The following ZWILCH variants were observed in gnomAD, a reference collection of about 807,000 sequenced individuals.
ZWILCH encodes the protein protein zwilch homolog.
ZWILCH carries 74 observed loss-of-function variants against 79.9 expected under a neutral mutation model. The observed-to-expected ratio is 0.93, with a 90% CI of 0.77 to 1.12. ZWILCH has a LOEUF of 1.12. Among genes scored for constraint, ZWILCH ranks in the 50% most tolerant of loss-of-function variants. ZWILCH has a pLI of 0.00. For missense variants in ZWILCH, 694 were observed against 687.5 expected, an observed-to-expected ratio of 1.01 and a Z score of -0.11; for synonymous variants, 241 against 228.2, an observed-to-expected ratio of 1.06 and a Z score of -0.51.
At chr15:66,515,192 C>G (rs1258123858) in intron 3 of ZWILCH, among the ~76,000 whole-genome samples, 2 of 151,836 alleles carry the variant, frequency 1.3e-5, no homozygotes, top group African/African-American at 4.9e-5. Context: ...TTAAGTGATT[C>G]TCCTCCTCAG....
chr15:66,520,340 C>T (rs927761756), intron 5 of ZWILCH, among the ~76,000 whole-genome samples: 4 of 152,068 alleles, frequency 2.6e-5, no homozygotes, highest in African/African-American at 9.7e-5. Context: ...AGGCTGGTCT[C>T]GAACTCCTGG....
intron 8 of ZWILCH, among the ~76,000 whole-genome samples, chr15:66,524,886 C>G (rs976493832): frequency 6.6e-6 from 1 of 152,162 alleles, no homozygotes; most frequent in African/African-American, 2.4e-5. Context: ...TTTGCCCTCA[C>G]ATCTCTGCCC....
intron 2 of ZWILCH, among the ~76,000 whole-genome samples, chr15:66,512,715 C>T (rs1442023212): frequency 6.6e-6 from 1 of 151,936 alleles, no homozygotes; most frequent in Non-Finnish European, 1.5e-5. Flanking sequence ...TCAGGCAATT[C>T]TCCTGGCTTA....
chr15:66,514,176 A>T, intron 3 of ZWILCH, 93 bp downstream of exon 3: 1 of 823,136 alleles, frequency 1.2e-6, no homozygotes, highest in East Asian at 2.7e-5. Context: ...TAAAATCAGC[A>T]TCGGTGAAAA....
intron 17 of ZWILCH, among the ~76,000 whole-genome samples, chr15:66,540,964 G>A (rs1238092009): frequency 1.3e-5 from 2 of 151,202 alleles, no homozygotes; most frequent in Non-Finnish European, 2.9e-5. Context: ...AACTCTAAGT[G>A]TAAAACATAT....
chr15:66,520,511 G>A, intron 5 of ZWILCH, 79 bp from the exon 6 acceptor site: 1 of 726,876 alleles, frequency 1.4e-6, no homozygotes, highest in South Asian at 1.6e-5. Flanking sequence ...CATTGAGAAT[G>A]TGAGGGATTA....
chr15:66,527,431 A>G, intron 9 of ZWILCH, 48 bp downstream of exon 9: 1 of 1,421,942 alleles, frequency 7.0e-7, no homozygotes, highest in Non-Finnish European at 9.9e-7. Context: ...GCTATGTTTA[A>G]ATATAAGTTT....
chr15:66,522,331 CTT>C lies in ZWILCH; in HGVS notation c.747+1143_747+1144del, dbSNP rs1292788536. Among the ~76,000 whole-genome samples, 25 of 135,812 alleles carry C rather than the reference CTT, an allele frequency of 1.8e-4. No individual in the cohort carries two copies. In the East Asian group the frequency reaches 1.9e-3, roughly 10 times the overall value. 89.1% of individuals were successfully genotyped at this position (135,812 alleles called of 152,430 possible). A position where few individuals can be genotyped will look rare whatever the true frequency, so the allele number is the denominator to read the frequency against. ...GGGAATAGTTGAAATAGATTTCTTT[CTT>C]TTTTTTTTTTTTTTTTCTGGGGCGG... is the stretch of plus-strand genomic sequence containing the variant. On this transcript the variant is annotated intron_variant, in intron 7 of 18. Transcript: ENST00000307897.
intron 4 of ZWILCH, among the ~76,000 whole-genome samples, chr15:66,518,288 CTTTTT>C (rs537865347): frequency 8.1e-6 from 1 of 124,030 alleles, no homozygotes; most frequent in African/African-American, 3.0e-5. Context: ...CCTCTCGTGT[CTTTTT>C]TTTTTTTTTT....
At chr15:66,543,410 A>G (rs1378946775) in intron 17 of ZWILCH, among the ~76,000 whole-genome samples, 1 of 152,144 alleles carries the variant, frequency 6.6e-6, no homozygotes, top group Admixed American at 6.6e-5. Context: ...TGCAGAGATG[A>G]TTACCAGTTT....
chr15:66,530,999 CTA>C (rs1227982660), intron 12 of ZWILCH, among the ~76,000 whole-genome samples: 3 of 152,066 alleles, frequency 2.0e-5, no homozygotes, highest in Admixed American at 6.5e-5. Flanking sequence ...CAAAGTGAAA[CTA>C]TGTGTATATT....
chr15:66,528,747 G>T (rs541614204), intron 10 of ZWILCH, 105 bp from the exon 11 acceptor site: 23 of 861,772 alleles, frequency 2.7e-5, no homozygotes, highest in Admixed American at 2.0e-4. Context: ...TCATATCTTT[G>T]TGTGTGTTCA....
At chr15:66,527,150 A>G in intron 8 of ZWILCH, 140 bp from the exon 9 acceptor site, 1 of 638,522 alleles carries the variant, frequency 1.6e-6, no homozygotes. Context: ...TGTACTATAC[A>G]TAAAGCACCA....
At chr15:66,518,288 CTTT>C (rs537865347) in intron 4 of ZWILCH, among the ~76,000 whole-genome samples, 2 of 124,008 alleles carry the variant, frequency 1.6e-5, no homozygotes, top group Non-Finnish European at 1.7e-5. Context: ...CCTCTCGTGT[CTTT>C]TTTTTTTTTT....
rs139005365 is a variant in ZWILCH, at chr15:66,520,631, T to A, written c.562T>A (p.Leu188Ile). Reference sequence around the variant, plus strand: ...TGTAAATCTTGAAAACCTAAAAAATTTACACAAGAAAAGACATCACTTGTC... The same window carrying A: ...TGTAAATCTTGAAAACCTAAAAAATATACACAAGAAAAGACATCACTTGTC... ...YSVNLENLKNLHKKRHHLSTV... is the reference protein window; with the variant it reads ...YSVNLENLKNIHKKRHHLSTV... Residue 188 changes from leucine to isoleucine, a missense_variant, in exon 6 of 19, where the codon TTA (leucine) becomes ATA (isoleucine). Leu to Ile is a conservative substitution (Grantham distance 5). Coordinates refer to ENST00000307897, the MANE Select transcript of ZWILCH (RefSeq NM_017975.5). The A allele has an allele frequency of 6.4e-7, 1 of 1,555,370 alleles. No individual in the cohort carries two copies. Among genetic ancestry groups the A allele is most frequent in the Non-Finnish European group, 8.8e-7 (1 of 1,132,106 alleles).
chr15:66,505,326 A>G lies in ZWILCH; in HGVS notation c.-13A>G, dbSNP rs575653951. The G allele has an allele frequency of 1.2e-6, 2 of 1,613,318 alleles. No individual in the cohort carries two copies. Among genetic ancestry groups the G allele is most frequent in the Non-Finnish European group, 1.7e-6 (2 of 1,179,908 alleles). On this transcript the variant is annotated 5_prime_UTR_variant, in exon 1 of 19. Transcript: ENST00000307897. ...GTTTGGCGGTTCCGGTACCGCTCTC[A>G]CATTGGGGCGGGATGTGGGAGCGGC... is the stretch of plus-strand genomic sequence containing the variant.
In ZWILCH at chr15:66,535,935, A is replaced by G; in HGVS notation, c.1344A>G (p.Glu448=). The change falls in exon 15 of 19, where the codon GAA becomes GAG. Residue 448 remains glutamate (E), a splice_region_variant and synonymous_variant. Coordinates refer to ENST00000307897, the MANE Select transcript of ZWILCH (RefSeq NM_017975.5). ...TTGCTTATATTTTTTCATTCCAGGA[A>G]TACTTCATTGCTCCATCAGTAGATA... ...GQELASLNHL[E]YFIAPSVDIQ... is the part of the protein sequence containing the mutation. 1 of 1,598,550 alleles carries G rather than the reference A, an allele frequency of 6.3e-7. No homozygotes were observed. Among genetic ancestry groups the G allele is most frequent in the Non-Finnish European group, 8.5e-7 (1 of 1,175,962 alleles).
chr15:66,519,202 C>T (rs1894402181), intron 5 of ZWILCH, 124 bp downstream of exon 5: 2 of 865,482 alleles, frequency 2.3e-6, no homozygotes, highest in African/African-American at 1.7e-5. Flanking sequence ...TTGCATTAAT[C>T]ACCATAAATC....
At chr15:66,523,898 T>C (rs995055764) in intron 8 of ZWILCH, 150 bp downstream of exon 8, 1 of 516,544 alleles carries the variant, frequency 1.9e-6, no homozygotes, top group African/African-American at 1.9e-5. Flanking sequence ...AGTTAAATTT[T>C]ACTTCTGTGG....
Sources: allele counts gnomAD v4.1 joint callset (sites outside exome capture counted in the v4.1 genomes callset), GRCh38; gene constraint gnomAD v4.1.1; transcripts MANE v1.5; gene names NCBI Gene and HGNC (gene_info 2026-07-23, HGNC 2026-07-21).